LOC400499: variants seen among roughly 807,000 people sequenced by gnomAD.
At chr16:11,403,880 C>A in the LOC400499 span, among the ~76,000 whole-genome samples, 1 of 152,204 alleles carries the variant, frequency 6.6e-6, no homozygotes, top group South Asian at 2.1e-4. Context: ...GGCCCCTTCT[C>A]CCTGCCCGGC....
At chr16:11,379,812 C>T in the LOC400499 span, among the ~76,000 whole-genome samples, 14 of 152,310 alleles carry the variant, frequency 9.2e-5, no homozygotes, top group South Asian at 1.2e-3. Context: ...CTTTTGTGTA[C>T]GTTCTGTAGA....
At chr16:11,482,426 G>A in the LOC400499 span, among the ~76,000 whole-genome samples, 4 of 152,172 alleles carry the variant, frequency 2.6e-5, no homozygotes, top group African/African-American at 7.2e-5. Context: ...CATCCCATCA[G>A]GCAAAAATTT....
At chr16:11,459,862 T>C in the LOC400499 span, 9 of 1,323,480 alleles carry the variant, frequency 6.8e-6, no homozygotes, top group African/African-American at 3.0e-5. Context: ...GCTGGACTCA[T>C]GGGGCACGGC....
At chr16:11,425,087 C>A in the LOC400499 span, 1 of 398,896 alleles carries the variant, frequency 2.5e-6, no homozygotes, top group Non-Finnish European at 4.4e-6. Flanking sequence ...ACTTAGAAGT[C>A]TTGGAGGAAG....
At chr16:11,410,535 A>C in the LOC400499 span, among the ~76,000 whole-genome samples, 1 of 152,226 alleles carries the variant, frequency 6.6e-6, no homozygotes, top group Non-Finnish European at 1.5e-5. Context: ...GAGGAACTCC[A>C]AAATCACGTG....
chr16:11,497,906 C>G, the LOC400499 span, among the ~76,000 whole-genome samples: 1 of 152,070 alleles, frequency 6.6e-6, no homozygotes, highest in African/African-American at 2.4e-5. Flanking sequence ...ACTTACACTT[C>G]AGTTAGAAGT....
At chr16:11,444,810 G>A in the LOC400499 span, among the ~76,000 whole-genome samples, 3 of 152,124 alleles carry the variant, frequency 2.0e-5, no homozygotes, top group Non-Finnish European at 4.4e-5. Flanking sequence ...GGCCAGGTAC[G>A]GTGGTTCACA....
the LOC400499 span, chr16:11,442,346 G>A: frequency 2.6e-5 from 4 of 152,224 alleles, no homozygotes; most frequent in Non-Finnish European, 5.9e-5. Context: ...TCAGCCTCCT[G>A]AGTAACTGGG....
At chr16:11,407,528 C>A in the LOC400499 span, among the ~76,000 whole-genome samples, 8 of 152,210 alleles carry the variant, frequency 5.3e-5, no homozygotes, top group South Asian at 1.0e-3. Flanking sequence ...TCAGGTTAGG[C>A]CATCAAGCGT....
the LOC400499 span, chr16:11,494,597 T>C: frequency 2.5e-6 from 1 of 393,864 alleles, no homozygotes; most frequent in Non-Finnish European, 4.5e-6. Context: ...CGAGGGCTCC[T>C]GGATGGTACA....
chr16:11,408,705 C>T, the LOC400499 span, among the ~76,000 whole-genome samples: 2 of 151,974 alleles, frequency 1.3e-5, no homozygotes, highest in South Asian at 4.1e-4. Flanking sequence ...TCTAACAATT[C>T]TCCTTCCTTG....
chr16:11,428,037 A>G, the LOC400499 span, among the ~76,000 whole-genome samples: 1 of 152,210 alleles, frequency 6.6e-6, no homozygotes, highest in Non-Finnish European at 1.5e-5. Flanking sequence ...AAGCAAAAGC[A>G]AGTTTATTAA....
the LOC400499 span, among the ~76,000 whole-genome samples, chr16:11,422,985 G>C: frequency 6.6e-6 from 1 of 151,690 alleles, no homozygotes; most frequent in African/African-American, 2.4e-5. Context: ...ATGCCCCTGG[G>C]AACTGGGAGT....
the LOC400499 span, among the ~76,000 whole-genome samples, chr16:11,493,087 C>T: frequency 6.6e-6 from 1 of 152,070 alleles, no homozygotes; most frequent in African/African-American, 2.4e-5. Flanking sequence ...TGGGAGGTGA[C>T]AGGAGCAGGT....
the LOC400499 span, among the ~76,000 whole-genome samples, chr16:11,459,108 C>T: frequency 6.6e-6 from 1 of 150,634 alleles, no homozygotes; most frequent in East Asian, 1.9e-4. Context: ...GTATACTTAG[C>T]CACAATTAAA....
chr16:11,521,316 G>A, the LOC400499 span, among the ~76,000 whole-genome samples: 3 of 152,196 alleles, frequency 2.0e-5, no homozygotes, highest in Non-Finnish European at 4.4e-5. Context: ...GGAAAAATAT[G>A]AGGGTTATCA....
chr16:11,497,428 G>C, the LOC400499 span, among the ~76,000 whole-genome samples: 2 of 152,234 alleles, frequency 1.3e-5, no homozygotes, highest in Non-Finnish European at 2.9e-5. Flanking sequence ...GTTATAAAAA[G>C]ACTAAGAAGC....
chr16:11,478,145 C>T, the LOC400499 span: 2 of 379,388 alleles, frequency 5.3e-6, no homozygotes, highest in African/African-American at 2.1e-5. Flanking sequence ...AAACCCTGTA[C>T]TAAAAATACA....
At chr16:11,492,969 C>A in the LOC400499 span, among the ~76,000 whole-genome samples, 1 of 151,996 alleles carries the variant, frequency 6.6e-6, no homozygotes, top group African/African-American at 2.4e-5. Context: ...CTGGGGACAT[C>A]TGGAGGAAAA....
Sources: allele counts gnomAD v4.1 joint callset (sites outside exome capture counted in the v4.1 genomes callset), GRCh38; gene constraint gnomAD v4.1.1; transcripts MANE v1.5.